Variants in RARB observed in about 807,000 individuals in gnomAD.
RARB encodes the protein HBV-activated protein.
RARB carries 17 observed loss-of-function variants against 51.9 expected under a neutral mutation model. The observed-to-expected ratio is 0.33, with a 90% CI of 0.22 to 0.49. The LOEUF (loss-of-function observed/expected upper bound fraction) is 0.49, where lower values mean the gene tolerates loss of function less well. Ranked by LOEUF, RARB falls within the 20% of genes least tolerant of loss-of-function variation. RARB has a pLI of 0.99. For missense variants in RARB, 369 were observed against 550.8 expected (o/e 0.67, Z 3.30); for synonymous variants, 215 against 195.4 (o/e 1.10, Z -0.84).
chr3:24,875,953 AGTTT>A (rs1703035528), intron 2 of RARB, among the ~76,000 whole-genome samples: 1 of 151,964 alleles, frequency 6.6e-6, no homozygotes, highest in South Asian at 2.1e-4. Flanking sequence ...TTGCTTCTTC[AGTTT>A]GTTTGGTTTG....
At chr3:24,962,700 C>G (rs149340277) in intron 2 of RARB, among the ~76,000 whole-genome samples, 9 of 152,334 alleles carry the variant, frequency 5.9e-5, no homozygotes, top group African/African-American at 2.2e-4. Context: ...TTATGAGAAT[C>G]TAACTAATGC....
At position 24,912,794 on chromosome 3, in the gene RARB, C is replaced by A. The variant is rs376782549; in HGVS notation, c.-380+54042C>A. On this transcript the variant is annotated intron_variant, in intron 2 of 11. Transcript: ENST00000383772. ...ATATAGAAAAGGAGGTTAGAAAGAA[C>A]CTGAATCTCAGTTTTTCTATCCTTG... is the stretch of plus-strand genomic sequence containing the variant. Among the ~76,000 whole-genome samples, 428 of 152,028 alleles carry A rather than the reference C, an allele frequency of 2.8e-3. 1 individual carries two copies. Among genetic ancestry groups the A allele is most frequent in the African/African-American group, 9.4e-3 (391 of 41,490 alleles).
At chr3:25,283,101 A>G (rs960767796) in intron 5 of RARB, among the ~76,000 whole-genome samples, 7 of 152,136 alleles carry the variant, frequency 4.6e-5, no homozygotes, top group African/African-American at 1.4e-4. Flanking sequence ...TCTAAGTCAC[A>G]TTTACCCATC....
At chr3:25,051,710 A>G (rs1240899689) in intron 2 of RARB, among the ~76,000 whole-genome samples, 1 of 152,202 alleles carries the variant, frequency 6.6e-6, no homozygotes, top group Non-Finnish European at 1.5e-5. Context: ...AGACAAGCAT[A>G]TAAACAAAAT....
At chr3:25,493,448 C>T (rs565418993) in intron 2 of RARB, among the ~76,000 whole-genome samples, 100 of 152,174 alleles carry the variant, frequency 6.6e-4, no homozygotes, top group Non-Finnish European at 1.2e-3. Context: ...GCAGCATTTA[C>T]TACTGGCTGG....
intron 4 of RARB, among the ~76,000 whole-genome samples, chr3:25,143,914 C>T (rs1700148412): frequency 6.6e-6 from 1 of 152,190 alleles, no homozygotes; most frequent in Non-Finnish European, 1.5e-5. Flanking sequence ...TAAAGCTCAG[C>T]AGTCACCTAG....
At chr3:25,305,852 A>C (rs555519881) in intron 5 of RARB, among the ~76,000 whole-genome samples, 6 of 152,190 alleles carry the variant, frequency 3.9e-5, no homozygotes, top group Non-Finnish European at 8.8e-5. Context: ...TTGAAGAGTA[A>C]AATGTAAGGG....
intron 5 of RARB, among the ~76,000 whole-genome samples, chr3:25,208,799 T>G (rs1456427341): frequency 6.6e-6 from 1 of 152,146 alleles, no homozygotes; most frequent in Admixed American, 6.5e-5. Context: ...TTGTACCTTT[T>G]GTAACTCACC....
intron 2 of RARB, among the ~76,000 whole-genome samples, chr3:24,938,809 T>A (rs80283484): frequency 1.3e-5 from 2 of 152,320 alleles, no homozygotes; most frequent in East Asian, 3.9e-4. Flanking sequence ...ATAAGTAGAA[T>A]CATACCATAT....
intron 2 of RARB, among the ~76,000 whole-genome samples, chr3:25,482,402 T>A (rs1459917114): frequency 6.6e-6 from 1 of 151,792 alleles, no homozygotes; most frequent in Non-Finnish European, 1.5e-5. Context: ...GAGCATGTAC[T>A]CAACAAAAAG....
chr3:25,190,136 G>T (rs1439615439), intron 5 of RARB, among the ~76,000 whole-genome samples: 1 of 152,040 alleles, frequency 6.6e-6, no homozygotes, highest in East Asian at 1.9e-4. Flanking sequence ...AAGGTAAATT[G>T]TCAATGGAAA....
Position 24,852,141 on chromosome 3 carries a change from G to A in RARB, c.-458-6533G>A, listed in dbSNP as rs368107030. 2.2e-4 allele frequency among the ~76,000 whole-genome samples: 34 copies of A among 152,258 alleles called. No homozygotes were observed. The South Asian group carries it at 3.3e-3, about 15-fold the overall frequency. On this transcript the variant is annotated intron_variant, in intron 1 of 11. Coordinates refer to the RARB transcript ENST00000383772. ...CTATAGATGATATCTCATTTTGTTA[G>A]TGATGGGTTAACAGTAATATATTTA... is the stretch of plus-strand genomic sequence containing the variant.
chr3:25,141,355 T>G (rs796702098), intron 4 of RARB, among the ~76,000 whole-genome samples: 28 of 152,244 alleles, frequency 1.8e-4, no homozygotes, highest in African/African-American at 6.5e-4. Flanking sequence ...TTCCTTTGAT[T>G]TGTTTTTAGC....
chr3:24,888,546 A>G (rs1421120432), intron 2 of RARB, among the ~76,000 whole-genome samples: 2 of 152,176 alleles, frequency 1.3e-5, no homozygotes, highest in Non-Finnish European at 2.9e-5. Flanking sequence ...GTTGGGTTTA[A>G]ATGCTAGTAA....
rs549173504 is a variant in RARB, at chr3:25,287,498, G to A, written c.178+112923G>A. Among the ~76,000 whole-genome samples, 3 of 152,250 alleles carry A rather than the reference G, an allele frequency of 2.0e-5. No individual in the cohort carries two copies. The South Asian group carries it at 6.2e-4, about 32-fold the overall frequency. ...TAGGTCATTAGGAGGGCAGGAGGGG[G>A]AAGCATAGAAACTGCTTCCATCCAT... On this transcript the variant is annotated intron_variant, in intron 5 of 11. Coordinates refer to the RARB transcript ENST00000383772.
intron 2 of RARB, among the ~76,000 whole-genome samples, chr3:24,923,376 A>G (rs994026953): frequency 3.3e-5 from 5 of 152,196 alleles, no homozygotes; most frequent in African/African-American, 1.2e-4. Context: ...AACATTAATC[A>G]TGCTAAAAGA....
At chr3:24,930,570 T>G (rs1350592269) in intron 2 of RARB, among the ~76,000 whole-genome samples, 1 of 152,106 alleles carries the variant, frequency 6.6e-6, no homozygotes, top group Admixed American at 6.6e-5. Flanking sequence ...GCCTGGCACA[T>G]AATAGGAGTT....
chr3:24,868,665 G>A (rs960421037), intron 2 of RARB, among the ~76,000 whole-genome samples: 1 of 152,090 alleles, frequency 6.6e-6, no homozygotes, highest in Non-Finnish European at 1.5e-5. Context: ...GGTATAATAA[G>A]AAACATTTAC....
At chr3:25,214,875 C>T (rs1701785189) in intron 5 of RARB, among the ~76,000 whole-genome samples, 1 of 152,206 alleles carries the variant, frequency 6.6e-6, no homozygotes, top group Non-Finnish European at 1.5e-5. Context: ...CTATGACCTT[C>T]ACCCATCCAC....
Sources: gnomAD v4.1 joint callset for allele counts (sites outside exome capture counted in the v4.1 genomes callset) on GRCh38, gnomAD v4.1.1 for gene constraint, MANE v1.5 for transcripts, NCBI Gene and HGNC (gene_info 2026-07-23, HGNC 2026-07-21) for gene names.